RSPH14: variants seen among roughly 807,000 people sequenced by gnomAD.
RSPH14 encodes the protein rhabdoid tumor deletion region gene 1.
RSPH14 carries 20 observed loss-of-function variants against 26.7 expected under a neutral mutation model. The ratio of observed to expected loss-of-function variants is 0.75; its 90% CI spans 0.53 to 1.09. The LOEUF is 1.09. Among genes scored for constraint, RSPH14 ranks in the 50% least tolerant of loss-of-function variants. The pLI is 0.00. For missense variants in RSPH14, 449 were observed against 457.2 expected, an observed-to-expected ratio of 0.98 and a Z score of 0.16; for synonymous variants, 177 against 189.3, an observed-to-expected ratio of 0.93 and a Z score of 0.53.
chr22:23,098,152 T>C (rs1482600404), intron 4 of RSPH14, among the ~76,000 whole-genome samples: 1 of 152,264 alleles, frequency 6.6e-6, no homozygotes, highest in Admixed American at 6.5e-5. Flanking sequence ...GCCTGCCACC[T>C]TGCTGCCTCT....
intron 4 of RSPH14, chr22:23,131,740 C>T: frequency 1.3e-6 from 1 of 774,340 alleles, no homozygotes; most frequent in East Asian, 6.4e-5. Flanking sequence ...ATGGATCACC[C>T]TAATACCCCA....
At chr22:23,145,516 G>C, upstream of RSPH14, 1 of 1,604,902 alleles carries the variant, frequency 6.2e-7, no homozygotes, top group Non-Finnish European at 8.5e-7. Context: ...AGGCGGACCA[G>C]GCCGCGCGGA....
chr22:23,137,284 G>T (rs1483692735), intron 3 of RSPH14, among the ~76,000 whole-genome samples: 1 of 138,078 alleles, frequency 7.2e-6, no homozygotes, highest in Non-Finnish European at 1.6e-5. Flanking sequence ...GTAGAGACTG[G>T]TTTCACCATG....
chr22:23,085,100 G>A (rs1489461751), intron 4 of RSPH14, among the ~76,000 whole-genome samples: 1 of 152,152 alleles, frequency 6.6e-6, no homozygotes, highest in African/African-American at 2.4e-5. Context: ...CCTCAGATAG[G>A]TGGACATGGT....
chr22:23,122,931 A>G (rs1335816430), intron 4 of RSPH14, among the ~76,000 whole-genome samples: 2 of 152,176 alleles, frequency 1.3e-5, no homozygotes, highest in Non-Finnish European at 2.9e-5. Context: ...GGGTGAAGAC[A>G]TTTAACCTGG....
At chr22:23,151,151 G>T in the RSPH14 span, among the ~76,000 whole-genome samples, 1 of 152,250 alleles carries the variant, frequency 6.6e-6, no homozygotes, top group East Asian at 1.9e-4. Flanking sequence ...TTCCCAAACT[G>T]CACAGAGTGG....
intron 4 of RSPH14, among the ~76,000 whole-genome samples, chr22:23,112,889 C>T (rs1174181769): frequency 2.0e-5 from 3 of 152,158 alleles, no homozygotes; most frequent in African/African-American, 7.2e-5. Context: ...CCCACAGCTC[C>T]AGCTGGGCAG....
chr22:23,160,752 C>G, the RSPH14 span: 247 of 1,316,200 alleles, frequency 1.9e-4, 3 homozygotes, highest in East Asian at 4.7e-3. Flanking sequence ...GTCATTGTTA[C>G]TGTCAGGGTG....
intron 4 of RSPH14, among the ~76,000 whole-genome samples, chr22:23,090,492 G>A (rs2068941829): frequency 6.6e-6 from 1 of 152,158 alleles, no homozygotes; most frequent in Admixed American, 6.5e-5. Flanking sequence ...CACAGGGCAG[G>A]TCATGGCACT....
upstream of RSPH14, among the ~76,000 whole-genome samples, chr22:23,148,263 A>G (rs1003967510): frequency 1.3e-5 from 2 of 152,210 alleles, no homozygotes; most frequent in Admixed American, 6.5e-5. Flanking sequence ...CCATCTCAAC[A>G]GAGGCTCAGG....
chr22:23,169,796 T>G, the RSPH14 span, among the ~76,000 whole-genome samples: 3 of 152,210 alleles, frequency 2.0e-5, no homozygotes, highest in South Asian at 6.2e-4. Flanking sequence ...AAGGGGCCTT[T>G]GGGTGAATTA....
Position 23,071,797 on chromosome 22 carries a change from A to G in RSPH14, c.422-7664T>C, listed in dbSNP as rs762817961. 5.9e-5 allele frequency among the ~76,000 whole-genome samples: 9 copies of G among 152,218 alleles called. No individual in the cohort carries two copies. The highest frequency in any genetic ancestry group is 1.2e-4 in the Non-Finnish European group (8 of 68,038). On this transcript the variant is annotated intron_variant, in intron 4 of 6. Coordinates refer to ENST00000216036, the MANE Select transcript of RSPH14 (RefSeq NM_014433.3). This position sits in a 1 kb window ranked among gnomAD's most constrained non-coding sequence, Gnocchi z 4.1. ...ACATGACATTTGAACTGGAGCTTGA[A>G]GGACATGGGCACAGCTAAGCTGGGC... is the stretch of plus-strand genomic sequence containing the variant.
chr22:23,150,216 C>A, the RSPH14 span: 2 of 1,317,712 alleles, frequency 1.5e-6, no homozygotes, highest in Admixed American at 3.9e-5. Flanking sequence ...GCATGAAGCA[C>A]GTGAAAGAAT....
intron 4 of RSPH14, among the ~76,000 whole-genome samples, chr22:23,103,916 C>T (rs2069379930): frequency 1.3e-5 from 2 of 152,220 alleles, no homozygotes; most frequent in Non-Finnish European, 2.9e-5. Context: ...CTCTCTGTGA[C>T]TGGCCCTGAG....
intron 4 of RSPH14, among the ~76,000 whole-genome samples, chr22:23,089,275 C>T (rs895119342): frequency 6.6e-6 from 1 of 152,208 alleles, no homozygotes; most frequent in African/African-American, 2.4e-5. Flanking sequence ...TCTTCTGCCT[C>T]AGCCGGGGGC....
intron 4 of RSPH14, among the ~76,000 whole-genome samples, chr22:23,098,157 G>A (rs2069178609): frequency 6.6e-6 from 1 of 152,236 alleles, no homozygotes; most frequent in Admixed American, 6.5e-5. Context: ...CCACCTTGCT[G>A]CCTCTCTCTC....
the RSPH14 span, among the ~76,000 whole-genome samples, chr22:23,172,978 G>A: frequency 2.8e-5 from 4 of 144,054 alleles, no homozygotes; most frequent in South Asian, 9.2e-4. Flanking sequence ...CATATATTTG[G>A]AATCATACAG....
the RSPH14 span, among the ~76,000 whole-genome samples, chr22:23,170,093 T>A: frequency 1.5e-4 from 20 of 137,004 alleles, no homozygotes; most frequent in South Asian, 1.2e-3. Flanking sequence ...CAAGACCCTT[T>A]AAAAAAAAAA....
At chr22:23,082,969 G>A (rs1335685261) in intron 4 of RSPH14, among the ~76,000 whole-genome samples, 5 of 152,148 alleles carry the variant, frequency 3.3e-5, no homozygotes, top group Non-Finnish European at 7.3e-5. Flanking sequence ...ATCATATTAA[G>A]GTGGGGCGTG....
Sources: allele counts gnomAD v4.1 joint callset (sites outside exome capture counted in the v4.1 genomes callset), GRCh38; gene constraint gnomAD v4.1.1; non-coding constraint Gnocchi (gnomAD v3.1); transcripts MANE v1.5; gene names NCBI Gene and HGNC (gene_info 2026-07-23, HGNC 2026-07-21).